Variants in SLCO3A1 observed in about 807,000 individuals in gnomAD.
SLCO3A1 encodes solute carrier organic anion transporter family member 3A1.
In SLCO3A1, 27 loss-of-function variants were observed where a neutral mutation model predicts 63.1. The ratio of observed to expected loss-of-function variants is 0.43; its 90% CI spans 0.32 to 0.59. The LOEUF (loss-of-function observed/expected upper bound fraction) is 0.59, where lower values mean the gene tolerates loss of function less well. Among genes scored for constraint, SLCO3A1 ranks in the 20% least tolerant of loss-of-function variants. The probability of loss-of-function intolerance (pLI) is 0.09; values close to 1 mark genes in which losing one functional copy is unlikely to be tolerated. For missense variants in SLCO3A1, 773 were observed against 945.8 expected, an observed-to-expected ratio of 0.82 and a Z score of 2.40; for synonymous variants, 473 against 409.9, an observed-to-expected ratio of 1.15 and a Z score of -1.86.
Position 92,134,633 on chromosome 15 carries a change from G to T in SLCO3A1, c.1512+6144G>T, listed in dbSNP as rs1056852845. On this transcript the variant is annotated intron_variant, in intron 7 of 9. Transcript: ENST00000318445. ...TGGAAGAACATATAGCCATCCATTC[G>T]TAGATGGATACTTCAGGTTAGGGGC... is the stretch of plus-strand genomic sequence containing the variant. Among the ~76,000 whole-genome samples, 3 of 152,272 alleles carry T rather than the reference G, an allele frequency of 2.0e-5. No individual in the cohort carries two copies. The South Asian group carries it at 6.2e-4, about 32-fold the overall frequency.
At chr15:92,133,531 C>G (rs1374887191) in intron 7 of SLCO3A1, among the ~76,000 whole-genome samples, 1 of 145,526 alleles carries the variant, frequency 6.9e-6, no homozygotes, top group Non-Finnish European at 1.5e-5. Flanking sequence ...CGCTCCCCAT[C>G]GCTCACATTA....
At chr15:92,160,402 A>C (rs1275759878) in intron 9 of SLCO3A1, among the ~76,000 whole-genome samples, 1 of 152,024 alleles carries the variant, frequency 6.6e-6, no homozygotes, top group Non-Finnish European at 1.5e-5. Context: ...GAAAAAAGGC[A>C]CTTGTTAGGG....
At chr15:92,158,553 G>A (rs2048399587) in intron 9 of SLCO3A1, among the ~76,000 whole-genome samples, 1 of 152,210 alleles carries the variant, frequency 6.6e-6, no homozygotes, top group Non-Finnish European at 1.5e-5. Flanking sequence ...ATACTACTTA[G>A]CATGACAGTT....
chr15:91,951,457 G>C (rs148249283), intron 2 of SLCO3A1, among the ~76,000 whole-genome samples: 1 of 151,982 alleles, frequency 6.6e-6, no homozygotes, highest in African/African-American at 2.4e-5. Context: ...TTATTCATCG[G>C]TCAGTGAACA....
At chr15:92,138,355 C>T (rs1355528351) in intron 7 of SLCO3A1, among the ~76,000 whole-genome samples, 3 of 92,534 alleles carry the variant, frequency 3.2e-5, no homozygotes, top group African/African-American at 6.4e-5. Flanking sequence ...GGTACCAGTA[C>T]CATGCTGTTT....
intron 2 of SLCO3A1, among the ~76,000 whole-genome samples, chr15:92,019,667 A>G (rs2046483129): frequency 6.6e-6 from 1 of 152,202 alleles, no homozygotes; most frequent in African/African-American, 2.4e-5. Context: ...CTTGAAGCCT[A>G]TCTACTTTCT....
chr15:92,011,577 C>A (rs2046369474), intron 2 of SLCO3A1, among the ~76,000 whole-genome samples: 1 of 152,196 alleles, frequency 6.6e-6, no homozygotes, highest in Admixed American at 6.5e-5. Flanking sequence ...ATGCAAGAAT[C>A]CCCCACTTCC....
At position 91,976,040 on chromosome 15, in the gene SLCO3A1, A is replaced by T. The variant is rs139442259; in HGVS notation, c.646+59582A>T. 3.0e-3 allele frequency among the ~76,000 whole-genome samples: 464 copies of T among 152,264 alleles called. 3 individuals carry two copies. The highest frequency in any genetic ancestry group is 0.011 in the African/African-American group (438 of 41,550). ...TGTGTAGAGGTGCCTTATTATTATTATTTTTAATGTTAGATACTCTGCAAA... is the reference window on the plus strand; with the variant it reads ...TGTGTAGAGGTGCCTTATTATTATTTTTTTTAATGTTAGATACTCTGCAAA... On this transcript the variant is annotated intron_variant, in intron 2 of 9. Coordinates refer to ENST00000318445, the MANE Select transcript of SLCO3A1 (RefSeq NM_013272.4).
chr15:92,118,292 G>T (rs985184562), intron 4 of SLCO3A1, among the ~76,000 whole-genome samples: 1 of 152,180 alleles, frequency 6.6e-6, no homozygotes, highest in Non-Finnish European at 1.5e-5. Flanking sequence ...ACCAGCTCTG[G>T]TTATCATCTG....
At chr15:91,992,840 G>C (rs1054915375) in intron 2 of SLCO3A1, among the ~76,000 whole-genome samples, 5 of 152,152 alleles carry the variant, frequency 3.3e-5, no homozygotes, top group African/African-American at 1.2e-4. Context: ...ATCCTGGGTT[G>C]AACTGTCAAC....
chr15:92,016,255 TA>T (rs1235703142), intron 2 of SLCO3A1, among the ~76,000 whole-genome samples: 1,458 of 8,212 alleles, frequency 0.18, 41 homozygotes, highest in African/African-American at 0.37. Flanking sequence ...ATAGATAGAT[TA>T]GATAGATAGA....
chr15:92,093,291 G>A (rs995017717), intron 2 of SLCO3A1, among the ~76,000 whole-genome samples: 2 of 152,194 alleles, frequency 1.3e-5, no homozygotes, highest in Non-Finnish European at 2.9e-5. Context: ...AGGCAAAGGG[G>A]GAGCAGGCAC....
chr15:91,971,083 G>A (rs765715948), intron 2 of SLCO3A1, among the ~76,000 whole-genome samples: 1 of 152,080 alleles, frequency 6.6e-6, no homozygotes, highest in South Asian at 2.1e-4. Flanking sequence ...TGAAGTGCCT[G>A]TTCCCAGCTG....
At chr15:92,066,065 C>G (rs2047147896) in intron 2 of SLCO3A1, among the ~76,000 whole-genome samples, 1 of 152,240 alleles carries the variant, frequency 6.6e-6, no homozygotes, top group African/African-American at 2.4e-5. Context: ...CACCCTCCAT[C>G]CTTCCTGTGA....
chr15:91,926,596 T>TGTGTGTGCGCGCGCGCGCGC, intron 2 of SLCO3A1, among the ~76,000 whole-genome samples: 1 of 105,254 alleles, frequency 9.5e-6, no homozygotes, highest in African/African-American at 3.7e-5. Context: ...TGTGTGTGTG[T>TGTGTGTGCGCGCGCGCGCGC]GCGCGCGCGC....
chr15:91,855,224 G>T (rs569172738), intron 1 of SLCO3A1, among the ~76,000 whole-genome samples: 1 of 152,242 alleles, frequency 6.6e-6, no homozygotes, highest in African/African-American at 2.4e-5. Flanking sequence ...CTCATTCCTG[G>T]CCTTGGGGTA....
chr15:92,145,018 G>A (rs2048202108), intron 7 of SLCO3A1, among the ~76,000 whole-genome samples: 1 of 152,190 alleles, frequency 6.6e-6, no homozygotes, highest in Non-Finnish European at 1.5e-5. Flanking sequence ...TGGAAAGCGA[G>A]TGACCAGAGG....
chr15:92,015,111 G>A (rs1005395362), intron 2 of SLCO3A1, among the ~76,000 whole-genome samples: 8 of 152,184 alleles, frequency 5.3e-5, no homozygotes, highest in African/African-American at 1.7e-4. Context: ...GCTCTTTGGA[G>A]TGATGTCCTA....
intron 2 of SLCO3A1, among the ~76,000 whole-genome samples, chr15:91,925,712 T>C (rs1280051527): frequency 1.3e-5 from 2 of 152,094 alleles, no homozygotes; most frequent in African/African-American, 2.4e-5. Context: ...CTGAAAGAAC[T>C]CTGAATACCC....
Sources: allele counts gnomAD v4.1 joint callset (sites outside exome capture counted in the v4.1 genomes callset), GRCh38; gene constraint gnomAD v4.1.1; transcripts MANE v1.5; gene names NCBI Gene and HGNC (gene_info 2026-07-23, HGNC 2026-07-21).